MED12L: variants seen among roughly 807,000 people sequenced by gnomAD.
MED12L encodes the protein mediator of RNA polymerase II transcription subunit 12-like protein.
Under a neutral mutation model 281.3 loss-of-function variants are expected in MED12L, and 60 were observed. The observed-to-expected ratio is 0.21, with a 90% CI of 0.17 to 0.26. The LOEUF (loss-of-function observed/expected upper bound fraction) is 0.26. Among genes scored for constraint, MED12L ranks in the 10% least tolerant of loss-of-function variants. The probability of loss-of-function intolerance (pLI) is 1.00; values close to 1 mark genes in which losing one functional copy is unlikely to be tolerated. For synonymous variants in MED12L, 974 were observed against 987.2 expected (o/e 0.99, Z 0.25); for missense variants, 2,146 against 2,680.9 (o/e 0.80, Z 4.41).
chr3:151,413,359 A>C (rs1314145687), intron 42 of MED12L, 64 bp downstream of exon 42: 3 of 1,525,710 alleles, frequency 2.0e-6, no homozygotes, highest in African/African-American at 2.8e-5. Context: ...TGCAACAGTC[A>C]TAAAAAATGA....
At chr3:151,258,924 T>C (rs1283029833) in intron 16 of MED12L, among the ~76,000 whole-genome samples, 1 of 152,050 alleles carries the variant, frequency 6.6e-6, no homozygotes, top group Non-Finnish European at 1.5e-5. Flanking sequence ...GAGCTGTGGA[T>C]TCAGGTTGTG....
intron 13 of MED12L, among the ~76,000 whole-genome samples, chr3:151,188,860 A>G (rs1020402083): frequency 6.6e-6 from 1 of 152,190 alleles, no homozygotes; most frequent in Non-Finnish European, 1.5e-5. Flanking sequence ...ACAGTACTCT[A>G]TAGCCAGAGG....
At chr3:151,146,896 G>C (rs907731181) in intron 5 of MED12L, among the ~76,000 whole-genome samples, 1 of 152,136 alleles carries the variant, frequency 6.6e-6, no homozygotes, top group Non-Finnish European at 1.5e-5. Flanking sequence ...CAGCAGTCTG[G>C]CCAGTGGTCT....
intron 44 of MED12L, among the ~76,000 whole-genome samples, chr3:151,432,325 C>G (rs1007150426): frequency 1.3e-5 from 2 of 152,344 alleles, no homozygotes; most frequent in African/African-American, 2.4e-5. Context: ...TTGTACATAC[C>G]TTATGGCTAT....
chr3:151,363,957 G>A (rs909146178), intron 21 of MED12L, among the ~76,000 whole-genome samples: 7 of 152,082 alleles, frequency 4.6e-5, no homozygotes, highest in Non-Finnish European at 7.4e-5. Context: ...ATCTTCGAGG[G>A]ACTCATTCCT....
intron 5 of MED12L, among the ~76,000 whole-genome samples, chr3:151,139,927 C>A (rs1402077414): frequency 1.3e-5 from 2 of 152,170 alleles, no homozygotes; most frequent in Non-Finnish European, 2.9e-5. Context: ...GTTAGCTAAG[C>A]CTAATCGCAG....
At chr3:151,091,330 G>T (rs768311542) in intron 2 of MED12L, among the ~76,000 whole-genome samples, 2 of 152,178 alleles carry the variant, frequency 1.3e-5, no homozygotes, top group African/African-American at 2.4e-5. Context: ...TTCAACTTCA[G>T]AGGACATTCA....
rs190042201 is a variant in MED12L at position 151,186,130 on chromosome 3, T to C, written c.1626+669T>C. Among the ~76,000 whole-genome samples, 167 of 152,344 alleles carry C rather than the reference T, an allele frequency of 1.1e-3. 1 individual carries two copies. The highest frequency in any genetic ancestry group is 3.8e-3 in the African/African-American group (160 of 41,576). On this transcript the variant is annotated intron_variant, in intron 12 of 44. Coordinates refer to ENST00000687756, the MANE Select transcript of MED12L (RefSeq NM_001393769.1). ...GGCCCCAGAGAGAGCAATTAAAGCC[T>C]TGGAAGTAAATTATAAGGGAAAAAG... is the stretch of plus-strand genomic sequence containing the variant.
At chr3:151,178,888 A>G (rs961201555) in intron 11 of MED12L, among the ~76,000 whole-genome samples, 5 of 152,332 alleles carry the variant, frequency 3.3e-5, no homozygotes, top group African/African-American at 1.2e-4. Context: ...CTTAATCTGC[A>G]AGTTATTTTA....
At chr3:151,400,539 A>G (rs1322845615) in intron 39 of MED12L, among the ~76,000 whole-genome samples, 1 of 152,192 alleles carries the variant, frequency 6.6e-6, no homozygotes, top group Admixed American at 6.5e-5. Context: ...AGGTTAGGTT[A>G]TCCACCGTGG....
chr3:151,090,332 C>T (rs923273439), intron 2 of MED12L, among the ~76,000 whole-genome samples: 3 of 152,006 alleles, frequency 2.0e-5, no homozygotes, highest in Non-Finnish European at 4.4e-5. Context: ...AGATTCAGCC[C>T]CTATATGTTT....
intron 16 of MED12L, chr3:151,337,185 T>C (rs1329620953): frequency 6.6e-6 from 1 of 152,136 alleles, no homozygotes; most frequent in Non-Finnish European, 1.5e-5. Context: ...TTTCTTCTCT[T>C]TATTGTAAAG....
rs192031575 is a variant in MED12L at position 151,408,469 on chromosome 3, A to T, written c.5821-774A>T. On this transcript the variant is annotated intron_variant, in intron 39 of 44. Coordinates refer to ENST00000687756, the MANE Select transcript of MED12L (RefSeq NM_001393769.1). ...ACAATAAATCTCATTCTTTACAATC[A>T]GTAAGTCCTGAAAAAAAAACAGAGT... Among the ~76,000 whole-genome samples, 582 of 152,272 alleles carry T rather than the reference A, an allele frequency of 3.8e-3. 3 individuals are homozygous for T. The highest frequency in any genetic ancestry group is 5.4e-3 in the Non-Finnish European group (369 of 68,018).
chr3:151,304,466 C>T (rs982430443), intron 16 of MED12L, among the ~76,000 whole-genome samples: 5 of 151,996 alleles, frequency 3.3e-5, no homozygotes, highest in Admixed American at 6.5e-5. Flanking sequence ...CCCAGCTATT[C>T]GGGAGGCTGA....
intron 16 of MED12L, among the ~76,000 whole-genome samples, chr3:151,220,552 A>T (rs1247442981): frequency 6.6e-6 from 1 of 152,066 alleles, no homozygotes; most frequent in African/African-American, 2.4e-5. Flanking sequence ...CCAGTGGGAG[A>T]TGATTGAATT....
intron 25 of MED12L, among the ~76,000 whole-genome samples, chr3:151,368,676 TGTC>T (rs1453585340): frequency 1.4e-4 from 11 of 76,166 alleles, no homozygotes; most frequent in East Asian, 1.3e-3. Context: ...TTTCATTTCA[TGTC>T]ATTTCATTTT....
At chr3:151,175,645 T>C (rs1284842117) in intron 11 of MED12L, among the ~76,000 whole-genome samples, 11 of 152,372 alleles carry the variant, frequency 7.2e-5, no homozygotes, top group African/African-American at 2.4e-4. Flanking sequence ...TGTTGAGGGA[T>C]AGAAGACCTG....
rs1176704640 is a variant in MED12L, at chr3:151,382,756, T to A, written c.4680+11T>A. ...CTCCGCCTAAATTTGGTAAGTGACA[T>A]TTCTAGTATTTTCCCTCCATTAAAC... On this transcript the variant is annotated intron_variant, in intron 33 of 44. Coordinates refer to ENST00000687756, the MANE Select transcript of MED12L (RefSeq NM_001393769.1). 6.3e-7 allele frequency: 1 copy of A among 1,592,942 alleles called. No homozygotes were observed. The highest frequency in any genetic ancestry group is 1.7e-5 in the Admixed American group (1 of 58,280).
Position 151,237,603 on chromosome 3 carries a change from G to A in MED12L, c.2250+43937G>A, listed in dbSNP as rs576903728. Among the ~76,000 whole-genome samples the A allele has an allele frequency of 4.2e-4, 62 of 148,766 alleles. No individual in the cohort carries two copies. In the East Asian group the frequency reaches 0.012, roughly 28 times the overall value. On this transcript the variant is annotated intron_variant, in intron 16 of 44. Transcript: ENST00000687756. ...TGACCTCAGGTGATCTGCCCGCCTC[G>A]GCCTCCCAAAGTGCTGGGATTACAG...
Sources: allele counts gnomAD v4.1 joint callset (sites outside exome capture counted in the v4.1 genomes callset), GRCh38; gene constraint gnomAD v4.1.1; transcripts MANE v1.5; gene names NCBI Gene and HGNC (gene_info 2026-07-23, HGNC 2026-07-21).